MFSD11: variants seen among roughly 807,000 people sequenced by gnomAD.
MFSD11 encodes major facilitator superfamily domain containing 11.
A neutral mutation model predicts 53.5 loss-of-function variants in MFSD11; 36 were observed. That is an observed-to-expected ratio of 0.67 (90% CI 0.52 to 0.89). The LOEUF (loss-of-function observed/expected upper bound fraction) is 0.89, where lower values mean the gene tolerates loss of function less well. MFSD11 is among the 40% of genes least tolerant of loss of function. MFSD11 has a pLI of 0.00. For synonymous variants in MFSD11, 186 were observed against 184.9 expected (o/e 1.01, Z -0.05); for missense variants, 530 against 543.9 (o/e 0.97, Z 0.25).
At chr17:76,737,425 C>A, upstream of MFSD11, 1 of 433,932 alleles carries the variant, frequency 2.3e-6, no homozygotes, top group East Asian at 3.6e-5. Flanking sequence ...TGGCCCACCG[C>A]GCCCCGCTTC....
chr17:76,795,803 G>A, the MFSD11 span, among the ~76,000 whole-genome samples: 8 of 149,532 alleles, frequency 5.4e-5, no homozygotes, highest in Admixed American at 2.7e-4. Context: ...ACAGGTGCCC[G>A]CCACCACGCC....
At position 76,746,714 on chromosome 17, in the gene MFSD11, G is replaced by C. The variant is rs886818681; in HGVS notation, c.641+2248G>C. Among the ~76,000 whole-genome samples the C allele has an allele frequency of 1.4e-4, 21 of 152,138 alleles. 2 individuals are homozygous for C. The East Asian group carries it at 4.0e-3, about 29-fold the overall frequency. ...CTGGATGGTAGCACATTTGTTTACG[G>C]CATGGCTTATTGACTATTTTAAGCC... is the stretch of plus-strand genomic sequence containing the variant. On this transcript the variant is annotated intron_variant, in intron 7 of 12. Coordinates refer to ENST00000685175, the MANE Select transcript of MFSD11 (RefSeq NM_001242532.5).
chr17:76,769,044 T>C (rs941780808), intron 9 of MFSD11: 1 of 151,756 alleles, frequency 6.6e-6, no homozygotes, highest in African/African-American at 2.4e-5. Flanking sequence ...ACAAGGTTAA[T>C]GAGCATGTTA....
the MFSD11 span, among the ~76,000 whole-genome samples, chr17:76,790,801 G>A: frequency 1.2e-4 from 16 of 136,840 alleles, no homozygotes; most frequent in South Asian, 4.6e-4. Flanking sequence ...TTAGCCGGGC[G>A]TGGTGGCACA....
chr17:76,799,492 C>T, the MFSD11 span: 2 of 152,152 alleles, frequency 1.3e-5, no homozygotes, highest in Non-Finnish European at 2.9e-5. Context: ...CCTCTGCCCC[C>T]CTGGATTCAA....
At chr17:76,787,257 T>C in the MFSD11 span, among the ~76,000 whole-genome samples, 4 of 150,846 alleles carry the variant, frequency 2.7e-5, no homozygotes, top group Admixed American at 2.7e-4. Context: ...TGCCTCAGGC[T>C]CCCGAGTAGC....
At chr17:76,755,550 A>T (rs1208289758) in intron 8 of MFSD11, among the ~76,000 whole-genome samples, 1 of 151,832 alleles carries the variant, frequency 6.6e-6, no homozygotes, top group Non-Finnish European at 1.5e-5. Flanking sequence ...TGATCTAATC[A>T]GCCATGGCCT....
the MFSD11 span, among the ~76,000 whole-genome samples, chr17:76,793,923 T>C: frequency 6.6e-6 from 1 of 151,226 alleles, no homozygotes; most frequent in Middle Eastern, 3.4e-3. Context: ...GTTGCTGGCA[T>C]TGAAGACAGT....
At chr17:76,743,215 G>C (rs1234937007) in intron 5 of MFSD11, among the ~76,000 whole-genome samples, 183 bp from the exon 6 acceptor site, 3 of 152,202 alleles carry the variant, frequency 2.0e-5, no homozygotes, top group Non-Finnish European at 4.4e-5. Flanking sequence ...ATCTGGGGCA[G>C]TTAAGTTTAT....
intron 8 of MFSD11, among the ~76,000 whole-genome samples, chr17:76,759,184 A>T (rs981486117): frequency 6.6e-6 from 1 of 152,136 alleles, no homozygotes; most frequent in Non-Finnish European, 1.5e-5. Flanking sequence ...AGCCTGGGAG[A>T]TTGAGGCTGC....
the MFSD11 span, among the ~76,000 whole-genome samples, chr17:76,791,247 CA>C: frequency 1.3e-5 from 2 of 149,000 alleles, no homozygotes; most frequent in Non-Finnish European, 3.0e-5. Flanking sequence ...AAGCAGATTG[CA>C]GCTTTAGAGA....
At chr17:76,767,550 T>C in intron 9 of MFSD11, 99 bp downstream of exon 9, 1 of 735,010 alleles carries the variant, frequency 1.4e-6, no homozygotes, top group Non-Finnish European at 2.3e-6. Flanking sequence ...GTGCAGTGAC[T>C]GGACTCAGTG....
At chr17:76,743,332 A>G in intron 5 of MFSD11, 66 bp from the exon 6 acceptor site, 6 of 1,066,114 alleles carry the variant, frequency 5.6e-6, no homozygotes, top group Non-Finnish European at 8.1e-6. Flanking sequence ...GGGAATAATT[A>G]TTTTTAAAAA....
At chr17:76,780,100 A>G (rs1174649055), downstream of MFSD11, among the ~76,000 whole-genome samples, 3 of 152,078 alleles carry the variant, frequency 2.0e-5, no homozygotes, top group African/African-American at 7.2e-5. Context: ...TTAAATTGAA[A>G]TCAAATCCAG....
At chr17:76,738,726 G>A (rs1311047675) in intron 1 of MFSD11, among the ~76,000 whole-genome samples, 5 of 152,134 alleles carry the variant, frequency 3.3e-5, no homozygotes, top group African/African-American at 9.7e-5. Context: ...TTAGTACTTG[G>A]ATGGTTACAG....
intron 7 of MFSD11, among the ~76,000 whole-genome samples, chr17:76,748,468 G>T (rs1051921243): frequency 6.6e-6 from 1 of 151,654 alleles, no homozygotes; most frequent in Admixed American, 6.6e-5. Context: ...CAAGAAGATC[G>T]CTTGAGCCCT....
rs754336751 is a variant in MFSD11 at position 76,739,353 on chromosome 17, ATGT to A, written c.152+364_152+366del. Among the ~76,000 whole-genome samples the A allele has an allele frequency of 2.6e-5, 4 of 152,322 alleles. No individual in the cohort carries two copies. In the East Asian group the frequency reaches 5.8e-4, roughly 22 times the overall value. ...ATTAGAATTCCCAGTCCTATAGAAG[ATGT>A]TGTGATTCTTGAAACATTTGGTCCT... On this transcript the variant is annotated intron_variant, in intron 2 of 12. Coordinates refer to ENST00000685175, the MANE Select transcript of MFSD11 (RefSeq NM_001242532.5).
Position 76,754,067 on chromosome 17 carries a change from C to A in MFSD11, c.662C>A (p.Thr221Lys). ...CTCAGGTCTGCCCAGAACAATCTGACAAAGGCAGTAGATGCTTTTAGTAAG... is the reference window on the plus strand; with the variant it reads ...CTCAGGTCTGCCCAGAACAATCTGAAAAAGGCAGTAGATGCTTTTAGTAAG... ...EVNESAQNNL[T>K]KAVDAFKKSF... The change falls in exon 8 of 13, where the codon ACA (threonine) becomes AAA (lysine). Residue 221 changes from threonine to lysine, a missense_variant. Transcript: ENST00000685175. 2 of 1,613,200 alleles carry A rather than the reference C, an allele frequency of 1.2e-6. No homozygotes were observed. Among genetic ancestry groups the A allele is most frequent in the Non-Finnish European group, 1.7e-6 (2 of 1,179,366 alleles).
chr17:76,740,819 T>C (rs1959294931), intron 2 of MFSD11, 138 bp from the exon 3 acceptor site: 5 of 609,530 alleles, frequency 8.2e-6, no homozygotes. Context: ...TTGAATGATA[T>C]AACTATCATA....
Sources: allele counts gnomAD v4.1 joint callset (sites outside exome capture counted in the v4.1 genomes callset), GRCh38; gene constraint gnomAD v4.1.1; transcripts MANE v1.5; gene names NCBI Gene and HGNC (gene_info 2026-07-23, HGNC 2026-07-21).